Variants in INTS6 observed in about 807,000 individuals in gnomAD.
INTS6 encodes integrator complex subunit 6.
A neutral mutation model predicts 104.9 loss-of-function variants in INTS6; 16 were observed. The ratio of observed to expected loss-of-function variants is 0.15; its 90% confidence interval spans 0.10 to 0.23. The LOEUF is 0.23. Among genes scored for constraint, INTS6 ranks in the 10% least tolerant of loss-of-function variants. The pLI, the probability that INTS6 is intolerant of heterozygous loss-of-function variation, is 1.00. For missense variants in INTS6, 584 were observed against 1,062.8 expected, an observed-to-expected ratio of 0.55 and a Z score of 6.26; for synonymous variants, 324 against 358.7, an observed-to-expected ratio of 0.90 and a Z score of 1.09.
Position 51,452,395 on chromosome 13 carries a change from C to A in INTS6, c.111+20G>T. The A allele has an allele frequency of 1.3e-6, 2 of 1,545,976 alleles. No individual in the cohort carries two copies. Among genetic ancestry groups the A allele is most frequent in the South Asian group, 1.2e-5 (1 of 85,632 alleles). ...GGGCCGCCGGGCCGGGGTCGCCGCC[C>A]GGGCTCGGTCAGTCGGTACCTTCAT... On this transcript the variant is annotated intron_variant, in intron 1 of 17. Coordinates refer to ENST00000311234, the MANE Select transcript of INTS6 (RefSeq NM_012141.3). The surrounding 1 kb of genome is among the most constrained non-coding windows in gnomAD (Gnocchi z 4.2).
the INTS6 span, among the ~76,000 whole-genome samples, chr13:51,349,037 C>T: frequency 6.6e-6 from 1 of 152,170 alleles, no homozygotes; most frequent in African/African-American, 2.4e-5. Context: ...AAAACAAAAT[C>T]TATTAGCAAA....
chr13:51,393,257 T>C (rs568853602), intron 5 of INTS6, among the ~76,000 whole-genome samples: 3 of 152,204 alleles, frequency 2.0e-5, no homozygotes, highest in South Asian at 4.2e-4. Context: ...TTTGTATTTT[T>C]AGTAGAGACG....
Position 51,452,795 on chromosome 13 carries a change from T to C in INTS6, c.-270A>G. ...TGGGGCGGGCGCCCAGCCGTCTGTC[T>C]GTCGGTTCGTCCCCCCCGCCTCGGG... is the stretch of plus-strand genomic sequence containing the variant. On this transcript the variant is annotated 5_prime_UTR_variant, in exon 1 of 18. Coordinates refer to ENST00000311234, the MANE Select transcript of INTS6 (RefSeq NM_012141.3). The surrounding 1 kb of genome is among the most constrained non-coding windows in gnomAD (Gnocchi z 4.2). 8.4e-7 allele frequency: 1 copy of C among 1,193,282 alleles called. No individual in the cohort carries two copies. The highest frequency in any genetic ancestry group is 1.8e-5 in the South Asian group (1 of 55,408). 73.9% of individuals were successfully genotyped at this position (1,193,282 alleles called of 1,614,324 possible). A position where few individuals can be genotyped will look rare whatever the true frequency, so the allele number is the denominator to read the frequency against.
chr13:51,428,828 A>G (rs974590972), intron 4 of INTS6, among the ~76,000 whole-genome samples: 2 of 152,188 alleles, frequency 1.3e-5, no homozygotes, highest in African/African-American at 2.4e-5. Context: ...TAAATTTTTC[A>G]GCTCTATCTC....
rs1259644731 is a variant in INTS6, at chr13:51,452,985, C to G, written c.-460G>C. 2.0e-6 allele frequency: 2 copies of G among 1,005,760 alleles called. No homozygotes were observed. Among genetic ancestry groups the G allele is most frequent in the African/African-American group, 3.5e-5 (2 of 57,312 alleles). 62.3% of individuals were successfully genotyped at this position (1,005,760 alleles called of 1,614,324 possible). ...TGTTGGGAGAAGTTTCAGGGACTCC[C>G]TCCGCACCCCGGCGGTGTCACCACT... is the stretch of plus-strand genomic sequence containing the variant. On this transcript the variant is annotated 5_prime_UTR_variant, in exon 1 of 18. Coordinates refer to ENST00000311234, the MANE Select transcript of INTS6 (RefSeq NM_012141.3). The surrounding 1 kb of genome is among the most constrained non-coding windows in gnomAD (Gnocchi z 4.2).
chr13:51,344,247 C>T, the INTS6 span: 1 of 1,612,032 alleles, frequency 6.2e-7, no homozygotes, highest in East Asian at 2.2e-5. Context: ...ACTTGTTTTT[C>T]ACAGACAAAA....
rs372600514 is a variant in INTS6, at chr13:51,452,530, C to G, written c.-5G>C. On this transcript the variant is annotated 5_prime_UTR_variant, in exon 1 of 18. Coordinates refer to ENST00000311234, the MANE Select transcript of INTS6 (RefSeq NM_012141.3). The surrounding 1 kb of genome is among the most constrained non-coding windows in gnomAD (Gnocchi z 4.2). ...CAGGAACAGTAAGATGGGCATAGTG[C>G]TGGCCGGGGACACCGGGGCCCGAGG... is the stretch of plus-strand genomic sequence containing the variant. The G allele has an allele frequency of 1.1e-5, 18 of 1,609,992 alleles. No individual in the cohort carries two copies. The highest frequency in any genetic ancestry group is 1.4e-5 in the Non-Finnish European group (17 of 1,177,532).
intron 4 of INTS6, among the ~76,000 whole-genome samples, chr13:51,415,675 CA>C (rs1956775796): frequency 1.3e-5 from 2 of 152,082 alleles, no homozygotes; most frequent in South Asian, 4.1e-4. Flanking sequence ...ATTAATTGCC[CA>C]GTCTCGGGTA....
At position 51,452,952 on chromosome 13, in the gene INTS6, C is replaced by T; in HGVS notation, c.-427G>A. 9.7e-7 allele frequency: 1 copy of T among 1,034,838 alleles called. No individual in the cohort carries two copies. The highest frequency in any genetic ancestry group is 1.2e-6 in the Non-Finnish European group (1 of 859,788). The allele number at this position is 1,034,838 out of a possible 1,614,324, so 64.1% of individuals were successfully genotyped here. A position where few individuals can be genotyped will look rare whatever the true frequency, so the allele number is the denominator to read the frequency against. On this transcript the variant is annotated 5_prime_UTR_variant, in exon 1 of 18. Transcript: ENST00000311234. This position sits in a 1 kb window ranked among gnomAD's most constrained non-coding sequence, Gnocchi z 4.2. ...GGGAGTGGGCTGAGGGAAGATTGGCCCTGGGGCTGTTGGGAGAAGTTTCAG... is the reference window on the plus strand; with the variant it reads ...GGGAGTGGGCTGAGGGAAGATTGGCTCTGGGGCTGTTGGGAGAAGTTTCAG...
intron 4 of INTS6, among the ~76,000 whole-genome samples, chr13:51,424,593 T>C (rs994950499): frequency 6.6e-6 from 1 of 151,926 alleles, no homozygotes; most frequent in African/African-American, 2.4e-5. Flanking sequence ...GAAAAAGAAA[T>C]ACAAATGGTC....
Position 51,453,021 on chromosome 13 carries a change from C to T in INTS6, c.-496G>A. 9.9e-7 allele frequency: 1 copy of T among 1,010,594 alleles called. No homozygotes were observed. The highest frequency in any genetic ancestry group is 1.2e-6 in the Non-Finnish European group (1 of 845,920). The allele number at this position is 1,010,594 out of a possible 1,614,324, so 62.6% of individuals were successfully genotyped here. A position where few individuals can be genotyped will look rare whatever the true frequency, so the allele number is the denominator to read the frequency against. ...GGCGGTGTCACCACTTTCTCAGCCC[C>T]TCTCGCTACTGAAGCGCTTTTCTCT... is the stretch of plus-strand genomic sequence containing the variant. On this transcript the variant is annotated 5_prime_UTR_variant, in exon 1 of 18. Coordinates refer to ENST00000311234, the MANE Select transcript of INTS6 (RefSeq NM_012141.3).
chr13:51,374,768 T>G lies in INTS6; in HGVS notation c.1758A>C (p.Gln586His), dbSNP rs745505898. ...EDQVHSVPIA[Q>H]MGNYQEYLKQ... Reference sequence around the variant, plus strand: ...TGAGGTATTCCTGGTAGTTCCCCATTTGTGCTATAGGAACACTGTGCACTT... The same window carrying G: ...TGAGGTATTCCTGGTAGTTCCCCATGTGTGCTATAGGAACACTGTGCACTT... The change falls in exon 14 of 18, where the codon CAA (glutamine) becomes CAC (histidine). Residue 586 changes from glutamine to histidine, a missense_variant. Transcript: ENST00000311234. The G allele has an allele frequency of 6.2e-7, 1 of 1,613,646 alleles. No individual in the cohort carries two copies. The highest frequency in any genetic ancestry group is 8.5e-7 in the Non-Finnish European group (1 of 1,179,898).
chr13:51,354,088 A>G (rs1035504906), exon 4 of INTS6: 2 of 152,194 alleles, frequency 1.3e-5, no homozygotes, highest in Non-Finnish European at 2.9e-5. Flanking sequence ...ATGAAAATAT[A>G]TTTTATCCAG....
chr13:51,381,518 A>C (rs1956048991), intron 10 of INTS6, among the ~76,000 whole-genome samples: 1 of 152,148 alleles, frequency 6.6e-6, no homozygotes, highest in South Asian at 2.1e-4. Flanking sequence ...GCAGTACATA[A>C]ATGTTCTCAT....
At chr13:51,348,848 G>GTCCCCCCATGACCCCCTGAT in the INTS6 span, among the ~76,000 whole-genome samples, 18 of 150,428 alleles carry the variant, frequency 1.2e-4, no homozygotes, top group African/African-American at 3.4e-4. Context: ...ACGTAATTGA[G>GTCCCCCCATGACCCCCTGAT]CAAGTACAGA....
chr13:51,412,062 T>C (rs1566233625), intron 4 of INTS6, among the ~76,000 whole-genome samples: 1 of 152,184 alleles, frequency 6.6e-6, no homozygotes, highest in Non-Finnish European at 1.5e-5. Context: ...TTATATACAG[T>C]GTATAATTTT....
chr13:51,376,840 A>G (rs1700319119), intron 12 of INTS6, among the ~76,000 whole-genome samples: 1 of 152,168 alleles, frequency 6.6e-6, no homozygotes, highest in African/African-American at 2.4e-5. Flanking sequence ...GACACACCAC[A>G]TCTTCTTTAT....
the INTS6 span, among the ~76,000 whole-genome samples, chr13:51,341,715 T>C: frequency 1.3e-5 from 2 of 152,244 alleles, no homozygotes; most frequent in Non-Finnish European, 2.9e-5. Context: ...CAGGCAGTGC[T>C]GGAGGCACTT....
intron 4 of INTS6, among the ~76,000 whole-genome samples, chr13:51,413,877 G>A (rs1003183146): frequency 6.6e-6 from 1 of 152,110 alleles, no homozygotes; most frequent in African/African-American, 2.4e-5. Context: ...AAGCAAAGAA[G>A]CTTTCAAGCT....
Sources: allele counts gnomAD v4.1 joint callset (sites outside exome capture counted in the v4.1 genomes callset), GRCh38; gene constraint gnomAD v4.1.1; non-coding constraint Gnocchi (gnomAD v3.1); transcripts MANE v1.5; gene names NCBI Gene and HGNC (gene_info 2026-07-23, HGNC 2026-07-21).